Variants in PDE4D observed in about 807,000 individuals in gnomAD.
PDE4D encodes 3',5'-cyclic-AMP phosphodiesterase 4D.
PDE4D carries 24 observed loss-of-function variants against 87.4 expected under a neutral mutation model. The observed-to-expected ratio is 0.27, with a 90% CI of 0.20 to 0.39. The LOEUF (loss-of-function observed/expected upper bound fraction) is 0.39. Among genes scored for constraint, PDE4D ranks in the 10% least tolerant of loss-of-function variants. The pLI, the probability that PDE4D is intolerant of heterozygous loss-of-function variation, is 1.00. For missense variants in PDE4D, 714 were observed against 1,041.0 expected (o/e 0.69, Z 4.32); for synonymous variants, 384 against 383.2 (o/e 1.00, Z -0.02).
At chr5:60,453,244 C>A (rs943419707) in intron 1 of PDE4D, among the ~76,000 whole-genome samples, 1 of 152,070 alleles carries the variant, frequency 6.6e-6, no homozygotes, top group Non-Finnish European at 1.5e-5. Flanking sequence ...GGCATGTTTG[C>A]TTGTGCATAT....
chr5:60,470,856 G>A (rs1583867649), intron 1 of PDE4D, among the ~76,000 whole-genome samples: 1 of 152,114 alleles, frequency 6.6e-6, no homozygotes, highest in African/African-American at 2.4e-5. Flanking sequence ...ATCTGATGAA[G>A]AACTACGAGG....
chr5:60,433,730 A>T (rs1323911357), intron 1 of PDE4D, among the ~76,000 whole-genome samples: 1 of 152,276 alleles, frequency 6.6e-6, no homozygotes, highest in East Asian at 1.9e-4. Context: ...ATTATGGAAT[A>T]CTATGCAACC....
chr5:60,071,288 T>G (rs985962779), intron 2 of PDE4D, among the ~76,000 whole-genome samples: 4 of 152,142 alleles, frequency 2.6e-5, no homozygotes, highest in South Asian at 2.1e-4. Context: ...TTAAATTGTT[T>G]AAGATTTTTT....
Position 59,337,298 on chromosome 5 carries a change from G to T in PDE4D, c.456-121330C>A, listed in dbSNP as rs57749765. Among the ~76,000 whole-genome samples the T allele has an allele frequency of 4.7e-5, 7 of 149,460 alleles. No homozygotes were observed. The East Asian group carries it at 1.2e-3, about 25-fold the overall frequency. On this transcript the variant is annotated intron_variant, in intron 1 of 14. Coordinates refer to ENST00000340635, the MANE Select transcript of PDE4D (RefSeq NM_001104631.2). Reference sequence around the variant, plus strand: ...AAAACTTAAATTTTTAATGATGCTGGTATAAGTGAAAGGCATTCATAAGTT... The same window carrying T: ...AAAACTTAAATTTTTAATGATGCTGTTATAAGTGAAAGGCATTCATAAGTT...
intron 2 of PDE4D, among the ~76,000 whole-genome samples, chr5:60,167,266 CTTTTTTTT>C (rs142613050): frequency 4.3e-4 from 37 of 86,476 alleles, no homozygotes; most frequent in Non-Finnish European, 6.0e-4. Flanking sequence ...TGTGTATTTT[CTTTTTTTT>C]TTTTTTTTTT....
intron 2 of PDE4D, among the ~76,000 whole-genome samples, chr5:59,197,271 A>C (rs988758638): frequency 6.6e-6 from 1 of 152,216 alleles, no homozygotes; most frequent in South Asian, 2.1e-4. Flanking sequence ...TACACTTTAC[A>C]ATATTTATGA....
chr5:60,136,835 T>C (rs1780091250), intron 2 of PDE4D, among the ~76,000 whole-genome samples: 2 of 152,150 alleles, frequency 1.3e-5, no homozygotes, highest in Admixed American at 1.3e-4. Flanking sequence ...CATGGGTACA[T>C]GTGCGGGATG....
At chr5:58,989,589 CAA>C in intron 10 of PDE4D, among the ~76,000 whole-genome samples, 164 bp downstream of exon 10, 1 of 150,756 alleles carries the variant, frequency 6.6e-6, no homozygotes, top group East Asian at 2.0e-4. Context: ...CAAAATCCAT[CAA>C]AGACTTGATT....
At chr5:59,874,704 G>A (rs142301249) in intron 1 of PDE4D, among the ~76,000 whole-genome samples, 3,757 of 152,256 alleles carry the variant, frequency 0.025, 60 homozygotes, top group South Asian at 0.049. Flanking sequence ...CCTTGACTAT[G>A]TCAATTATCA....
At chr5:59,372,777 A>T (rs891101721) in intron 1 of PDE4D, among the ~76,000 whole-genome samples, 1 of 152,138 alleles carries the variant, frequency 6.6e-6, no homozygotes, top group Non-Finnish European at 1.5e-5. Context: ...CCCCACACCC[A>T]CTAGCACTTC....
rs554389648 is a variant in PDE4D at position 59,155,029 on chromosome 5, T to C, written c.808+25566A>G. Among the ~76,000 whole-genome samples, 20 of 152,288 alleles carry C rather than the reference T, an allele frequency of 1.3e-4. 1 individual carries two copies. The highest frequency in any genetic ancestry group is 1.3e-3 in the Admixed American group (20 of 15,292). ...ATATGTGAGTCCAGCTCTGGACATA[T>C]TGGATTTGAAGAGTTGGATATCAAT... On this transcript the variant is annotated intron_variant, in intron 5 of 14. Coordinates refer to ENST00000340635, the MANE Select transcript of PDE4D (RefSeq NM_001104631.2).
At chr5:59,067,000 A>ATTTG (rs1216529191) in intron 5 of PDE4D, among the ~76,000 whole-genome samples, 1 of 133,690 alleles carries the variant, frequency 7.5e-6, no homozygotes, top group Non-Finnish European at 1.6e-5. Flanking sequence ...TTATTTATTT[A>ATTTG]TTTATTTATT....
chr5:59,571,036 T>C (rs1339129552), intron 1 of PDE4D, among the ~76,000 whole-genome samples: 15 of 152,246 alleles, frequency 9.9e-5, no homozygotes, highest in Non-Finnish European at 1.5e-5. Context: ...CCAGTCTTCA[T>C]GTGCACCATA....
At chr5:60,490,310 T>C (rs1327882770), upstream of PDE4D, 1 of 152,164 alleles carries the variant, frequency 6.6e-6, no homozygotes, top group Non-Finnish European at 1.5e-5. Context: ...GGGATTGAAA[T>C]CTTTAGTCCT....
chr5:59,026,013 C>CTGT (rs1430311709), intron 6 of PDE4D, among the ~76,000 whole-genome samples: 1 of 152,254 alleles, frequency 6.6e-6, no homozygotes, highest in East Asian at 1.9e-4. Flanking sequence ...CCTAGGCAAA[C>CTGT]ATTGCAGAAT....
At chr5:60,317,121 C>T (rs1157061722) in intron 1 of PDE4D, among the ~76,000 whole-genome samples, 6 of 152,078 alleles carry the variant, frequency 3.9e-5, no homozygotes, top group African/African-American at 1.4e-4. Flanking sequence ...TGGTCCTGGA[C>T]TTTTTTTGGT....
intron 1 of PDE4D, among the ~76,000 whole-genome samples, chr5:60,276,942 G>A (rs1583285008): frequency 6.6e-6 from 1 of 151,708 alleles, no homozygotes; most frequent in Non-Finnish European, 1.5e-5. Context: ...TATATTTGAA[G>A]TGAGTTGCTT....
chr5:59,794,033 A>C (rs2152652920), intron 1 of PDE4D, among the ~76,000 whole-genome samples: 1 of 152,242 alleles, frequency 6.6e-6, no homozygotes, highest in East Asian at 1.9e-4. Context: ...ACACATGCAC[A>C]GACACACATG....
chr5:60,090,743 G>T (rs183871879), intron 2 of PDE4D, among the ~76,000 whole-genome samples: 1 of 152,268 alleles, frequency 6.6e-6, no homozygotes, highest in East Asian at 1.9e-4. Flanking sequence ...AACTATCATT[G>T]TTCACAGATG....
Sources: allele counts gnomAD v4.1 joint callset (sites outside exome capture counted in the v4.1 genomes callset), GRCh38; gene constraint gnomAD v4.1.1; transcripts MANE v1.5; gene names NCBI Gene and HGNC (gene_info 2026-07-23, HGNC 2026-07-21).